GALNT13: variants seen among roughly 807,000 people sequenced by gnomAD.
GALNT13 encodes polypeptide N-acetylgalactosaminyltransferase 13.
In GALNT13, 28 loss-of-function variants were observed where a neutral mutation model predicts 64.2. The observed-to-expected ratio is 0.44, with a 90% CI of 0.32 to 0.60. GALNT13 has a LOEUF of 0.60. Among genes scored for constraint, GALNT13 ranks in the 20% least tolerant of loss-of-function variants. The pLI, the probability that GALNT13 is intolerant of heterozygous loss-of-function variation, is 0.05. For synonymous variants in GALNT13, 214 were observed against 224.6 expected, an observed-to-expected ratio of 0.95 and a Z score of 0.42; for missense variants, 577 against 669.8, an observed-to-expected ratio of 0.86 and a Z score of 1.53.
chr2:153,916,080 TC>T, intron 2 of GALNT13, among the ~76,000 whole-genome samples: 1 of 152,116 alleles, frequency 6.6e-6, no homozygotes, highest in East Asian at 1.9e-4. Flanking sequence ...TCTTTTCTTT[TC>T]TTTTTCCTTC....
chr2:153,211,306 C>T, the GALNT13 span, among the ~76,000 whole-genome samples: 1 of 151,894 alleles, frequency 6.6e-6, no homozygotes, highest in South Asian at 2.1e-4. Context: ...CCATGCCCAA[C>T]TAATTTTTTG....
At chr2:154,305,422 A>T (rs1023437012) in intron 9 of GALNT13, among the ~76,000 whole-genome samples, 2 of 151,578 alleles carry the variant, frequency 1.3e-5, no homozygotes, top group Non-Finnish European at 2.9e-5. Context: ...TTTATGAAAA[A>T]CTCTAAAGAG....
the GALNT13 span, among the ~76,000 whole-genome samples, chr2:153,410,939 T>C: frequency 1.1e-4 from 17 of 151,666 alleles, 1 homozygote; most frequent in Admixed American, 1.1e-3. Context: ...TGCAATGTCA[T>C]GATCACTGCA....
chr2:153,473,765 T>C, the GALNT13 span, among the ~76,000 whole-genome samples: 1 of 152,180 alleles, frequency 6.6e-6, no homozygotes, highest in East Asian at 1.9e-4. Context: ...GGCTCTAAAC[T>C]GCATGTGGAA....
At chr2:154,187,403 CA>C (rs2105745845) in intron 4 of GALNT13, among the ~76,000 whole-genome samples, 2 of 150,816 alleles carry the variant, frequency 1.3e-5, no homozygotes, top group Admixed American at 1.3e-4. Context: ...CACACACACA[CA>C]CACACACACA....
the GALNT13 span, among the ~76,000 whole-genome samples, chr2:153,444,605 T>C: frequency 6.6e-6 from 1 of 152,222 alleles, no homozygotes; most frequent in Admixed American, 6.5e-5. Context: ...TCCAATGATG[T>C]ACACTGATAG....
chr2:153,713,112 G>A, the GALNT13 span, among the ~76,000 whole-genome samples: 11 of 152,122 alleles, frequency 7.2e-5, no homozygotes, highest in African/African-American at 1.4e-4. Context: ...TGGCAGATAC[G>A]GAATTTAAAT....
At chr2:153,511,281 G>A in the GALNT13 span, among the ~76,000 whole-genome samples, 3 of 148,462 alleles carry the variant, frequency 2.0e-5, no homozygotes, top group Non-Finnish European at 3.0e-5. Context: ...GGGGTCCACT[G>A]CAAAAAAAAA....
intron 9 of GALNT13, among the ~76,000 whole-genome samples, chr2:154,395,399 T>C (rs1699010362): frequency 6.6e-6 from 1 of 152,140 alleles, no homozygotes; most frequent in Non-Finnish European, 1.5e-5. Flanking sequence ...TGTTCATTTG[T>C]TTGTTAGTTT....
At chr2:153,870,086 C>G (rs560679385), upstream of GALNT13, among the ~76,000 whole-genome samples, 8 of 151,852 alleles carry the variant, frequency 5.3e-5, no homozygotes, top group Admixed American at 2.6e-4. Context: ...CTAAACCAAA[C>G]TGAGCTAGCC....
chr2:153,239,038 T>C, the GALNT13 span, among the ~76,000 whole-genome samples: 1 of 152,122 alleles, frequency 6.6e-6, no homozygotes, highest in Non-Finnish European at 1.5e-5. Flanking sequence ...TATAGTTTTC[T>C]TTGTAGAAAT....
chr2:153,926,989 A>G (rs1178531586), intron 2 of GALNT13, among the ~76,000 whole-genome samples: 2 of 152,130 alleles, frequency 1.3e-5, no homozygotes, highest in African/African-American at 2.4e-5. Flanking sequence ...AGTTGCAATC[A>G]TAGTGCATTC....
At chr2:153,296,550 C>T in the GALNT13 span, among the ~76,000 whole-genome samples, 2 of 152,086 alleles carry the variant, frequency 1.3e-5, no homozygotes, top group African/African-American at 4.8e-5. Flanking sequence ...GTATGTGATT[C>T]ATACATGACA....
At chr2:154,120,633 C>T (rs1681886999) in intron 3 of GALNT13, among the ~76,000 whole-genome samples, 1 of 152,058 alleles carries the variant, frequency 6.6e-6, no homozygotes, top group African/African-American at 2.4e-5. Flanking sequence ...CATAACTTCC[C>T]AGGTCAAATC....
At chr2:154,242,361 A>C (rs1335531266) in intron 5 of GALNT13, among the ~76,000 whole-genome samples, 165 bp downstream of exon 5, 2 of 152,090 alleles carry the variant, frequency 1.3e-5, no homozygotes, top group Non-Finnish European at 2.9e-5. Flanking sequence ...CTCATCAAGA[A>C]CCTCATTAAT....
chr2:153,186,995 G>A, the GALNT13 span, among the ~76,000 whole-genome samples: 14 of 152,150 alleles, frequency 9.2e-5, no homozygotes, highest in Non-Finnish European at 4.4e-5. Context: ...TTTAGATAAA[G>A]TGGAGAAATA....
the GALNT13 span, among the ~76,000 whole-genome samples, chr2:153,327,380 A>G: frequency 7.4e-4 from 113 of 152,246 alleles, no homozygotes; most frequent in African/African-American, 2.6e-3. Context: ...CTTCTGGATA[A>G]TATGCTGAAG....
At chr2:153,091,887 T>G in the GALNT13 span, among the ~76,000 whole-genome samples, 1 of 152,198 alleles carries the variant, frequency 6.6e-6, no homozygotes, top group Non-Finnish European at 1.5e-5. Flanking sequence ...TTATGTGCAC[T>G]TGTGGGGTAT....
intron 3 of GALNT13, among the ~76,000 whole-genome samples, chr2:154,036,357 C>T (rs1698660020): frequency 6.6e-6 from 1 of 152,092 alleles, no homozygotes; most frequent in South Asian, 2.1e-4. Context: ...GATACTATCA[C>T]AGTAAATGCT....
Sources: allele counts gnomAD v4.1 joint callset (sites outside exome capture counted in the v4.1 genomes callset), GRCh38; gene constraint gnomAD v4.1.1; transcripts MANE v1.5; gene names NCBI Gene and HGNC (gene_info 2026-07-23, HGNC 2026-07-21).